FRMPD4: variants seen among roughly 807,000 people sequenced by gnomAD.
FRMPD4 encodes FERM and PDZ domain-containing protein 4.
Under a neutral mutation model 94.1 loss-of-function variants are expected in FRMPD4, and 22 were observed. The ratio of observed to expected loss-of-function variants is 0.23; its 90% confidence interval spans 0.17 to 0.33. The LOEUF (loss-of-function observed/expected upper bound fraction) is 0.33. Among genes scored for constraint, FRMPD4 ranks in the 10% least tolerant of loss-of-function variants. The pLI, the probability that FRMPD4 is intolerant of heterozygous loss-of-function variation, is 1.00. For synonymous variants in FRMPD4, 631 were observed against 548.6 expected (o/e 1.15, Z -2.10); for missense variants, 1,111 against 1,339.9 (o/e 0.83, Z 2.67).
At chrX:12,588,579 T>C (rs2058954149) in intron 2 of FRMPD4, among the ~76,000 whole-genome samples, 1 of 112,645 alleles carries the variant, frequency 8.9e-6, no homozygotes, top group African/African-American at 3.2e-5. Flanking sequence ...GGTTTGAGCA[T>C]AGCGACAGAG....
intron 3 of FRMPD4, among the ~76,000 whole-genome samples, chrX:11,905,406 A>T (rs940002216): frequency 8.9e-6 from 1 of 111,856 alleles, no homozygotes. Flanking sequence ...TGAGATATTA[A>T]ACCAGGAATT....
intron 3 of FRMPD4, among the ~76,000 whole-genome samples, chrX:12,066,148 A>G (rs2054918563): frequency 8.9e-6 from 1 of 112,254 alleles, no homozygotes; most frequent in Admixed American, 9.4e-5. Flanking sequence ...TGCTATTTTT[A>G]TTAACTCAAA....
At chrX:12,358,744 T>C (rs2055933865) in intron 1 of FRMPD4, among the ~76,000 whole-genome samples, 1 of 111,939 alleles carries the variant, frequency 8.9e-6, no homozygotes, top group African/African-American at 3.3e-5. Flanking sequence ...AATTCAATTC[T>C]AGTTCTCTAA....
intron 3 of FRMPD4, among the ~76,000 whole-genome samples, chrX:11,923,209 C>A (rs966588556): frequency 3.5e-5 from 4 of 113,063 alleles, no homozygotes; most frequent in Non-Finnish European, 7.5e-5. Flanking sequence ...CACTCCCCTC[C>A]ACTCCACTAC....
At chrX:12,268,669 CAA>C (rs1477954449) in intron 1 of FRMPD4, among the ~76,000 whole-genome samples, 1 of 112,075 alleles carries the variant, frequency 8.9e-6, no homozygotes, top group Non-Finnish European at 1.9e-5. Context: ...ATCTCATTGA[CAA>C]GAGCAGGACA....
At chrX:12,696,281 T>C (rs1482692499) in intron 9 of FRMPD4, among the ~76,000 whole-genome samples, 1 of 111,781 alleles carries the variant, frequency 8.9e-6, no homozygotes, top group African/African-American at 3.3e-5. Context: ...CAGACTGATA[T>C]CTGATTCTGA....
intron 2 of FRMPD4, among the ~76,000 whole-genome samples, chrX:12,534,151 T>C (rs965476207): frequency 3.5e-5 from 4 of 113,134 alleles, no homozygotes; most frequent in Non-Finnish European, 7.5e-5. Flanking sequence ...GAGCTTGGGC[T>C]GTGGCTTCAG....
At chrX:12,337,932 C>G (rs2055552183) in intron 1 of FRMPD4, among the ~76,000 whole-genome samples, 1 of 112,090 alleles carries the variant, frequency 8.9e-6, no homozygotes, top group Non-Finnish European at 1.9e-5. Flanking sequence ...GTATTGCTTA[C>G]AGTTCTGAAG....
intron 3 of FRMPD4, among the ~76,000 whole-genome samples, chrX:12,112,758 T>C (rs1322842377): frequency 9.0e-6 from 1 of 111,290 alleles, no homozygotes; most frequent in Admixed American, 9.6e-5. Context: ...CAGTGGTAGC[T>C]ATGATTATTA....
intron 3 of FRMPD4, among the ~76,000 whole-genome samples, chrX:11,903,278 C>G (rs1389808587): frequency 1.8e-5 from 2 of 112,521 alleles, no homozygotes; most frequent in South Asian, 3.6e-4. Flanking sequence ...GCTTTCTAAA[C>G]TATAATATTT....
chrX:12,589,668 T>C (rs1291672359), intron 2 of FRMPD4, among the ~76,000 whole-genome samples: 1 of 111,973 alleles, frequency 8.9e-6, no homozygotes, highest in African/African-American at 3.2e-5. Flanking sequence ...GAAAAGTGAA[T>C]TGTGGCCTTT....
chrX:12,249,041 A>T (rs934225495), intron 1 of FRMPD4, among the ~76,000 whole-genome samples: 5 of 112,958 alleles, frequency 4.4e-5, no homozygotes, highest in Non-Finnish European at 9.4e-5. Flanking sequence ...TCCGTCTCAA[A>T]AAACAAACAA....
intron 1 of FRMPD4, among the ~76,000 whole-genome samples, chrX:12,238,856 G>A (rs948694252): frequency 1.6e-4 from 18 of 111,971 alleles, no homozygotes; most frequent in African/African-American, 5.8e-4. Flanking sequence ...AATTAGCAAT[G>A]CAGTTACAAA....
chrX:12,431,116 T>C (rs1168990625), intron 1 of FRMPD4, among the ~76,000 whole-genome samples: 1 of 112,892 alleles, frequency 8.9e-6, no homozygotes, highest in Non-Finnish European at 1.9e-5. Context: ...AAAAATTCAG[T>C]GAAAACCCAC....
intron 1 of FRMPD4, among the ~76,000 whole-genome samples, chrX:11,825,736 G>A (rs746714908): frequency 3.5e-4 from 39 of 112,017 alleles, no homozygotes; most frequent in African/African-American, 9.1e-4. Flanking sequence ...TTGTACCAAC[G>A]TCAATTTCCT....
At chrX:12,317,119 C>T (rs1396786849) in intron 1 of FRMPD4, among the ~76,000 whole-genome samples, 1 of 111,674 alleles carries the variant, frequency 9.0e-6, no homozygotes, top group African/African-American at 3.2e-5. Context: ...TGTATGCAGT[C>T]TTGTCAGCAT....
chrX:12,383,039 CT>C (rs1197699282), intron 1 of FRMPD4, among the ~76,000 whole-genome samples: 2 of 111,642 alleles, frequency 1.8e-5, no homozygotes, highest in Non-Finnish European at 3.8e-5. Flanking sequence ...GCTCTACCCC[CT>C]GCCCCAAACA....
intron 3 of FRMPD4, among the ~76,000 whole-genome samples, chrX:12,095,384 A>C (rs1175341677): frequency 9.1e-6 from 1 of 110,379 alleles, no homozygotes; most frequent in Non-Finnish European, 1.9e-5. Flanking sequence ...TCTCAAAAAA[A>C]AAAAAAAAAT....
chrX:12,338,456 G>A (rs1183662006), intron 1 of FRMPD4, among the ~76,000 whole-genome samples: 3 of 112,549 alleles, frequency 2.7e-5, no homozygotes, highest in South Asian at 3.7e-4. Context: ...GAGCACCTAT[G>A]TGTCAATCAG....
Sources: gnomAD v4.1 joint callset for allele counts (sites outside exome capture counted in the v4.1 genomes callset) on GRCh38, gnomAD v4.1.1 for gene constraint, MANE v1.5 for transcripts, NCBI Gene and HGNC (gene_info 2026-07-23, HGNC 2026-07-21) for gene names.